APPL2: variants seen among roughly 807,000 people sequenced by gnomAD.
APPL2 encodes the protein DCC-interacting protein 13-beta.
A neutral mutation model predicts 92.7 loss-of-function variants in APPL2; 84 were observed. The observed-to-expected ratio is 0.91, with a 90% confidence interval of 0.76 to 1.09. The LOEUF (loss-of-function observed/expected upper bound fraction) is 1.09. Among genes scored for constraint, APPL2 ranks in the 50% least tolerant of loss-of-function variants. The probability of loss-of-function intolerance (pLI) is 0.00; values close to 1 mark genes in which losing one functional copy is unlikely to be tolerated. For missense variants in APPL2, 736 were observed against 824.5 expected (o/e 0.89, Z 1.31); for synonymous variants, 291 against 291.0 (o/e 1.00, Z 0.00).
At chr12:105,225,681 T>C (rs1409510604) in intron 2 of APPL2, among the ~76,000 whole-genome samples, 1 of 152,210 alleles carries the variant, frequency 6.6e-6, no homozygotes, top group Admixed American at 6.5e-5. Context: ...AATGGACTAT[T>C]GCCAGACGTG....
intron 18 of APPL2, 40 bp downstream of exon 18, chr12:105,177,186 A>G: frequency 6.2e-7 from 1 of 1,609,544 alleles, no homozygotes; most frequent in Non-Finnish European, 8.5e-7. Context: ...AAGGTGAATT[A>G]AGGAGTAATC....
intron 17 of APPL2, among the ~76,000 whole-genome samples, chr12:105,186,839 A>T (rs1157704665): frequency 6.6e-6 from 1 of 151,604 alleles, no homozygotes; most frequent in Non-Finnish European, 1.5e-5. Flanking sequence ...TTCCCTAGTA[A>T]CACATAGCAT....
rs1227446138 is a variant in APPL2, at chr12:105,203,727, G to C, written c.680C>G (p.Ser227Cys). The change falls in exon 9 of 21, where the codon TCC becomes TGC. Residue 227 changes from serine (S) to cysteine (C), a missense_variant. Ser to Cys is a moderately radical substitution (Grantham distance 112). Coordinates refer to ENST00000258530, the MANE Select transcript of APPL2 (RefSeq NM_018171.5). Reference sequence around the variant, plus strand: ...CCTTTGAACCATGTCTGCAACGGAGGATAAAAAGCTGTCCATACGTTTGGA... The same window carrying C: ...CCTTTGAACCATGTCTGCAACGGAGCATAAAAAGCTGTCCATACGTTTGGA... The part of the protein sequence containing the change: ...MFSKRMDSFL[S>C]SVADMVQSIQ... 6.2e-7 allele frequency: 1 copy of C among 1,614,104 alleles called. No homozygotes were observed. Among genetic ancestry groups the C allele is most frequent in the Non-Finnish European group, 8.5e-7 (1 of 1,180,038 alleles).
chr12:105,186,667 T>TATATATA (rs1566056379), intron 17 of APPL2, among the ~76,000 whole-genome samples: 1 of 33,124 alleles, frequency 3.0e-5, no homozygotes, highest in African/African-American at 6.6e-5. Context: ...ATATATATCA[T>TATATATA]ATATATGATA....
chr12:105,200,378 G>A (rs1566072099), intron 9 of APPL2, among the ~76,000 whole-genome samples: 1 of 152,232 alleles, frequency 6.6e-6, no homozygotes, highest in Non-Finnish European at 1.5e-5. Flanking sequence ...CAAAGCCAAA[G>A]GCAATGCTTT....
At chr12:105,222,580 C>T (rs999147202) in intron 2 of APPL2, among the ~76,000 whole-genome samples, 1 of 152,136 alleles carries the variant, frequency 6.6e-6, no homozygotes, top group Non-Finnish European at 1.5e-5. Flanking sequence ...CAAAGTGTGC[C>T]GTTGAGATGT....
chr12:105,228,041 T>A (rs1109432), intron 2 of APPL2, among the ~76,000 whole-genome samples: 57,295 of 152,010 alleles, frequency 0.38, 11,579 homozygotes, highest in Middle Eastern at 0.54. Flanking sequence ...CCAACCCAAC[T>A]GTCAGCTCCC....
chr12:105,199,090 G>A (rs941434454), intron 10 of APPL2, among the ~76,000 whole-genome samples: 1 of 152,166 alleles, frequency 6.6e-6, no homozygotes, highest in African/African-American at 2.4e-5. Context: ...GGTCCAGGAC[G>A]GCAACAGTTA....
intron 9 of APPL2, among the ~76,000 whole-genome samples, chr12:105,203,156 G>A (rs925196548): frequency 3.9e-5 from 6 of 152,180 alleles, no homozygotes; most frequent in Non-Finnish European, 7.3e-5. Flanking sequence ...GCAGGGGCCG[G>A]GGCCCCCCTC....
At chr12:105,181,515 G>A (rs1185715702) in intron 17 of APPL2, among the ~76,000 whole-genome samples, 1 of 152,136 alleles carries the variant, frequency 6.6e-6, no homozygotes, top group African/African-American at 2.4e-5. Flanking sequence ...CTATTGTTTG[G>A]AATAGTTTTA....
Position 105,211,217 on chromosome 12 carries a change from T to C in APPL2, c.373+13A>G. 1 of 1,570,428 alleles carries C rather than the reference T, an allele frequency of 6.4e-7. No individual in the cohort carries two copies. The highest frequency in any genetic ancestry group is 8.8e-7 in the Non-Finnish European group (1 of 1,140,980). On this transcript the variant is annotated intron_variant, in intron 5 of 20. Transcript: ENST00000258530. ...ATTTTGAAGGTAACTGGCATTGAACTCAGTTACTTTACCTGTGAGATCCTT... is the reference window on the plus strand; with the variant it reads ...ATTTTGAAGGTAACTGGCATTGAACCCAGTTACTTTACCTGTGAGATCCTT...
chr12:105,202,670 C>T (rs1888315084), intron 9 of APPL2, among the ~76,000 whole-genome samples: 1 of 152,300 alleles, frequency 6.6e-6, no homozygotes, highest in South Asian at 2.1e-4. Flanking sequence ...CAAGAAACTG[C>T]AATCAGATTT....
intron 17 of APPL2, among the ~76,000 whole-genome samples, chr12:105,186,676 T>TATATC (rs1555248098): frequency 1.2e-4 from 4 of 32,828 alleles, no homozygotes; most frequent in South Asian, 1.1e-3. Context: ...ATATATATGA[T>TATATC]ATATCATATA....
rs1324403472 is a variant in APPL2, at chr12:105,173,842, G to A, written c.*472C>T. ...GCTATTAGGTCCAATTATGAGATAA[G>A]CTGAATTATAAATACACAATTTTCA... On this transcript the variant is annotated 3_prime_UTR_variant, in exon 21 of 21. Coordinates refer to ENST00000258530, the MANE Select transcript of APPL2 (RefSeq NM_018171.5). 2 of 152,596 alleles carry A rather than the reference G, an allele frequency of 1.3e-5. No individual in the cohort carries two copies. Among genetic ancestry groups the A allele is most frequent in the Non-Finnish European group, 2.9e-5 (2 of 68,410 alleles). 9.5% of individuals were successfully genotyped at this position (152,596 alleles called of 1,614,324 possible).
intron 17 of APPL2, among the ~76,000 whole-genome samples, chr12:105,184,071 C>G (rs1438009324): frequency 6.6e-6 from 1 of 152,128 alleles, no homozygotes; most frequent in East Asian, 1.9e-4. Flanking sequence ...CTTGTGTATG[C>G]TTCACGAAGT....
At position 105,229,113 on chromosome 12, in the gene APPL2, G is replaced by C. The variant is rs1288904403; in HGVS notation, c.153+12C>G. The C allele has an allele frequency of 6.2e-7, 1 of 1,606,856 alleles. No homozygotes were observed. The highest frequency in any genetic ancestry group is 8.5e-7 in the Non-Finnish European group (1 of 1,176,312). ...CCACTCTGCGGTATCCAGGTGAGGG[G>C]TGGCAGCATACCTGGGCTCCATAGA... On this transcript the variant is annotated intron_variant, in intron 2 of 20. Transcript: ENST00000258530.
chr12:105,199,913 G>A (rs1377189107), intron 9 of APPL2, among the ~76,000 whole-genome samples: 1 of 151,888 alleles, frequency 6.6e-6, no homozygotes, highest in Non-Finnish European at 1.5e-5. Flanking sequence ...CCGCCCCTCA[G>A]GTTCATGCCA....
intron 2 of APPL2, among the ~76,000 whole-genome samples, chr12:105,228,204 G>A (rs113067248): frequency 8.5e-5 from 13 of 152,344 alleles, no homozygotes; most frequent in African/African-American, 2.6e-4. Context: ...TAAGTACCCT[G>A]CATCTGAAAT....
chr12:105,191,327 T>A (rs1005181567), intron 14 of APPL2, among the ~76,000 whole-genome samples: 5 of 151,910 alleles, frequency 3.3e-5, no homozygotes, highest in Admixed American at 2.0e-4. Flanking sequence ...TAAACAGGGG[T>A]CTCCTCACTG....
Sources: allele counts gnomAD v4.1 joint callset (sites outside exome capture counted in the v4.1 genomes callset), GRCh38; gene constraint gnomAD v4.1.1; transcripts MANE v1.5; gene names NCBI Gene and HGNC (gene_info 2026-07-23, HGNC 2026-07-21).